Variants in SLC35D4 observed in about 807,000 individuals in gnomAD.
The protein encoded by SLC35D4 is solute carrier family 35 member D4.
At chr18:23,251,627 C>T in the SLC35D4 span, among the ~76,000 whole-genome samples, 1 of 152,114 alleles carries the variant, frequency 6.6e-6, no homozygotes, top group Non-Finnish European at 1.5e-5. Context: ...TCAGAAAGGA[C>T]TCCAAGGATC....
At chr18:23,292,877 C>T in the SLC35D4 span, among the ~76,000 whole-genome samples, 1 of 152,122 alleles carries the variant, frequency 6.6e-6, no homozygotes, top group African/African-American at 2.4e-5. Flanking sequence ...GGTCAGTAAC[C>T]CCAGCAACCA....
At chr18:23,252,818 C>T in the SLC35D4 span, 8 of 574,144 alleles carry the variant, frequency 1.4e-5, no homozygotes, top group African/African-American at 3.8e-5. Context: ...TCCTGGATTC[C>T]GCCGAGCCCT....
the SLC35D4 span, chr18:23,309,663 C>T: frequency 6.2e-7 from 1 of 1,612,614 alleles, no homozygotes; most frequent in Middle Eastern, 1.7e-4. Context: ...CTTTATCTCT[C>T]TATGCAAAAG....
chr18:23,245,177 C>T, the SLC35D4 span, among the ~76,000 whole-genome samples: 1 of 152,162 alleles, frequency 6.6e-6, no homozygotes, highest in African/African-American at 2.4e-5. Context: ...GGCCCCTTCC[C>T]TCTTCTCATG....
the SLC35D4 span, among the ~76,000 whole-genome samples, chr18:23,323,657 C>A: frequency 6.6e-6 from 1 of 152,144 alleles, no homozygotes; most frequent in Non-Finnish European, 1.5e-5. Flanking sequence ...ACTGAATTGT[C>A]CATAATTCAC....
chr18:23,286,387 C>T, the SLC35D4 span, among the ~76,000 whole-genome samples: 9 of 152,192 alleles, frequency 5.9e-5, no homozygotes, highest in Non-Finnish European at 1.3e-4. Context: ...TGTGTCCCAT[C>T]TGTGCAGGAC....
chr18:23,380,565 C>G, the SLC35D4 span, among the ~76,000 whole-genome samples: 2 of 152,192 alleles, frequency 1.3e-5, no homozygotes, highest in Non-Finnish European at 2.9e-5. Context: ...TACAGGCCAG[C>G]CCCTCCATCC....
the SLC35D4 span, among the ~76,000 whole-genome samples, chr18:23,408,318 C>A: frequency 6.6e-6 from 1 of 152,274 alleles, no homozygotes; most frequent in East Asian, 1.9e-4. Flanking sequence ...TTGTTTTGCT[C>A]CCTGCACATC....
chr18:23,243,477 T>G, the SLC35D4 span, among the ~76,000 whole-genome samples: 2 of 150,720 alleles, frequency 1.3e-5, no homozygotes, highest in African/African-American at 4.9e-5. Context: ...TGTTTTTTTT[T>G]TTTTTTTTTT....
the SLC35D4 span, among the ~76,000 whole-genome samples, chr18:23,422,122 C>T: frequency 7.2e-5 from 11 of 152,052 alleles, no homozygotes; most frequent in South Asian, 2.1e-4. Flanking sequence ...CACAAGCTCT[C>T]AATGATTATT....
the SLC35D4 span, among the ~76,000 whole-genome samples, chr18:23,251,071 T>C: frequency 9.2e-5 from 14 of 152,358 alleles, no homozygotes; most frequent in Non-Finnish European, 4.4e-5. Flanking sequence ...AAACCTTTGA[T>C]GGGCTTTGCG....
At chr18:23,399,673 ACACTTTTGC>A in the SLC35D4 span, 4 of 1,611,456 alleles carry the variant, frequency 2.5e-6, no homozygotes, top group South Asian at 4.4e-5. Flanking sequence ...AAAAGCAATA[ACACTTTTGC>A]CACTTTTTGT....
the SLC35D4 span, among the ~76,000 whole-genome samples, chr18:23,390,553 G>T: frequency 6.6e-6 from 1 of 152,180 alleles, no homozygotes; most frequent in Admixed American, 6.5e-5. Context: ...GCTATAAAGA[G>T]AAATTGGTAA....
chr18:23,306,359 T>C, the SLC35D4 span, among the ~76,000 whole-genome samples: 1 of 151,966 alleles, frequency 6.6e-6, no homozygotes, highest in Non-Finnish European at 1.5e-5. Flanking sequence ...CAGGCTGGAG[T>C]GCAATGGCGC....
At chr18:23,273,034 A>G in the SLC35D4 span, among the ~76,000 whole-genome samples, 1 of 152,190 alleles carries the variant, frequency 6.6e-6, no homozygotes, top group Non-Finnish European at 1.5e-5. Flanking sequence ...GTGAGCCGCA[A>G]TCAGCCTGGT....
the SLC35D4 span, chr18:23,421,526 G>T: frequency 8.4e-7 from 1 of 1,192,982 alleles, no homozygotes; most frequent in Non-Finnish European, 1.2e-6. Context: ...TCTGCTGACT[G>T]ACACAAAGAG....
chr18:23,417,325 C>T, the SLC35D4 span, among the ~76,000 whole-genome samples: 2 of 152,000 alleles, frequency 1.3e-5, no homozygotes, highest in South Asian at 2.1e-4. Context: ...TACATGTAGA[C>T]ATTGTTCAGC....
chr18:23,391,589 G>T, the SLC35D4 span, among the ~76,000 whole-genome samples: 30 of 152,342 alleles, frequency 2.0e-4, no homozygotes, highest in African/African-American at 6.7e-4. Context: ...CTGGGCTCAA[G>T]TGATCCTCCC....
chr18:23,311,133 G>A, the SLC35D4 span, among the ~76,000 whole-genome samples: 7 of 147,378 alleles, frequency 4.7e-5, no homozygotes, highest in South Asian at 2.1e-4. Context: ...ACAGGGTCTC[G>A]CTTTGTCGCC....
Sources: gnomAD v4.1 joint callset for allele counts (sites outside exome capture counted in the v4.1 genomes callset) on GRCh38, gnomAD v4.1.1 for gene constraint, MANE v1.5 for transcripts, NCBI Gene and HGNC (gene_info 2026-07-23, HGNC 2026-07-21) for gene names.